Variants in MYT1L observed in about 807,000 individuals in gnomAD.
MYT1L encodes myelin transcription factor 1-like protein.
MYT1L carries 12 observed loss-of-function variants against 126.7 expected under a neutral mutation model. That is an observed-to-expected ratio of 0.09 (90% CI 0.06 to 0.15). The LOEUF is 0.15. Among genes scored for constraint, MYT1L ranks in the 10% least tolerant of loss-of-function variants. The probability of loss-of-function intolerance (pLI) is 1.00; values close to 1 mark genes in which losing one functional copy is unlikely to be tolerated. For synonymous variants in MYT1L, 541 were observed against 604.2 expected, an observed-to-expected ratio of 0.90 and a Z score of 1.53; for missense variants, 979 against 1,585.2, an observed-to-expected ratio of 0.62 and a Z score of 6.49.
At chr2:1,866,973 GGA>G (rs556864582) in intron 18 of MYT1L, among the ~76,000 whole-genome samples, 76 of 95,544 alleles carry the variant, frequency 8.0e-4, no homozygotes, top group Middle Eastern at 5.3e-3. Flanking sequence ...GAGAGAGGGA[GGA>G]GAGAGAGAGA....
chr2:2,198,916 T>C (rs896265502), intron 2 of MYT1L, among the ~76,000 whole-genome samples: 1 of 151,948 alleles, frequency 6.6e-6, no homozygotes, highest in Non-Finnish European at 1.5e-5. Flanking sequence ...AATTTCATGA[T>C]ACTGTGTATA....
At position 1,885,796 on chromosome 2, in the gene MYT1L, G is replaced by A. The variant is rs186370945; in HGVS notation, c.2711+743C>T. ...CCTCTTTCCCTGTGTGCACCTGCAC[G>A]TATGCTCTCCCCGGATTGCGGAGGC... On this transcript the variant is annotated intron_variant, in intron 18 of 24. Coordinates refer to ENST00000647738, the MANE Select transcript of MYT1L (RefSeq NM_001303052.2). Among the ~76,000 whole-genome samples, 20 of 152,266 alleles carry A rather than the reference G, an allele frequency of 1.3e-4. 1 individual carries two copies. The East Asian group carries it at 3.5e-3, about 26-fold the overall frequency.
intron 1 of MYT1L, among the ~76,000 whole-genome samples, chr2:2,288,419 G>T (rs2095553608): frequency 6.6e-6 from 1 of 152,220 alleles, no homozygotes; most frequent in Non-Finnish European, 1.5e-5. Flanking sequence ...GCTGAGCAAA[G>T]TGTTTCTCAT....
intron 3 of MYT1L, among the ~76,000 whole-genome samples, chr2:2,139,745 A>G (rs1363465971): frequency 2.6e-5 from 4 of 152,212 alleles, no homozygotes; most frequent in Non-Finnish European, 5.9e-5. Flanking sequence ...GTTATGGCTG[A>G]AGACTGAGTA....
At chr2:1,941,592 T>C (rs2056650766) in intron 9 of MYT1L, among the ~76,000 whole-genome samples, 1 of 152,234 alleles carries the variant, frequency 6.6e-6, no homozygotes, top group South Asian at 2.1e-4. Context: ...GGTGTTCTGA[T>C]AGGCCTTCTC....
intron 4 of MYT1L, among the ~76,000 whole-genome samples, chr2:2,023,598 G>A (rs2065243255): frequency 1.3e-5 from 2 of 151,374 alleles, no homozygotes; most frequent in Admixed American, 6.6e-5. Context: ...CAGCTCCCCT[G>A]CCCTGGCGGC....
rs1159807707 is a variant in MYT1L at position 1,789,753 on chromosome 2, C to T, written c.*2114G>A. On this transcript the variant is annotated 3_prime_UTR_variant, in exon 25 of 25. Coordinates refer to ENST00000647738, the MANE Select transcript of MYT1L (RefSeq NM_001303052.2). ...CCACACGGACGGCCTCAGGTGACTG[C>T]AAGCACCTTGCTTCAGCTCTCAAAA... 2 of 152,240 alleles carry T rather than the reference C, an allele frequency of 1.3e-5. No individual in the cohort carries two copies. The highest frequency in any genetic ancestry group is 2.9e-5 in the Non-Finnish European group (2 of 68,058). The allele number at this position is 152,240 out of a possible 1,614,324, so 9.4% of individuals were successfully genotyped here. A position where few individuals can be genotyped will look rare whatever the true frequency, so the allele number is the denominator to read the frequency against.
At chr2:2,257,329 C>T (rs558600167) in intron 2 of MYT1L, among the ~76,000 whole-genome samples, 5 of 152,258 alleles carry the variant, frequency 3.3e-5, no homozygotes, top group South Asian at 4.1e-4. Context: ...TTTTCTCTAT[C>T]GATGATGTCT....
intron 1 of MYT1L, among the ~76,000 whole-genome samples, chr2:2,293,183 G>C (rs550848400): frequency 6.6e-6 from 1 of 152,182 alleles, no homozygotes; most frequent in South Asian, 2.1e-4. Context: ...CTGGCCTCAT[G>C]GGGCCTTTAC....
chr2:1,848,003 G>A lies in MYT1L; in HGVS notation c.2774+3638C>T, dbSNP rs923317663. On this transcript the variant is annotated intron_variant, in intron 19 of 24. Coordinates refer to ENST00000647738, the MANE Select transcript of MYT1L (RefSeq NM_001303052.2). The surrounding 1 kb of genome is among the most constrained non-coding windows in gnomAD (Gnocchi z 4.8). Reference sequence around the variant, plus strand: ...ATGGGGCTGCCAGGAGGTGGGACTCGGAGTCAGACGACATGGGCTCCAGTT... The same window carrying A: ...ATGGGGCTGCCAGGAGGTGGGACTCAGAGTCAGACGACATGGGCTCCAGTT... 4.6e-5 allele frequency among the ~76,000 whole-genome samples: 7 copies of A among 152,188 alleles called. No individual in the cohort carries two copies. Among genetic ancestry groups the A allele is most frequent in the Non-Finnish European group, 7.3e-5 (5 of 68,040 alleles).
chr2:1,969,608 C>T (rs771525063), intron 8 of MYT1L, among the ~76,000 whole-genome samples: 3 of 152,192 alleles, frequency 2.0e-5, no homozygotes, highest in South Asian at 2.1e-4. Context: ...CCACTCTGGA[C>T]GGGGCTTAAA....
chr2:2,288,872 G>A (rs2095559178), intron 1 of MYT1L, among the ~76,000 whole-genome samples: 1 of 152,160 alleles, frequency 6.6e-6, no homozygotes, highest in African/African-American at 2.4e-5. Context: ...TCAGTCTCAG[G>A]AATGCCAGGC....
chr2:2,001,891 T>A (rs2062429457), intron 4 of MYT1L, among the ~76,000 whole-genome samples: 1 of 152,144 alleles, frequency 6.6e-6, no homozygotes, highest in Admixed American at 6.5e-5. Context: ...TACCTCCAGA[T>A]CCTCTTGCTC....
At chr2:2,176,261 G>A (rs1051379111) in intron 2 of MYT1L, among the ~76,000 whole-genome samples, 6 of 152,034 alleles carry the variant, frequency 3.9e-5, no homozygotes, top group African/African-American at 9.7e-5. Flanking sequence ...GAAAAAGTAG[G>A]AAATCAGGAA....
intron 12 of MYT1L, among the ~76,000 whole-genome samples, chr2:1,911,670 C>T (rs1000882873): frequency 5.3e-5 from 8 of 152,328 alleles, no homozygotes; most frequent in Non-Finnish European, 8.8e-5. Context: ...ACTGTACAGG[C>T]GTGCTGCATT....
chr2:2,027,568 T>G (rs2065779021), intron 4 of MYT1L, among the ~76,000 whole-genome samples: 1 of 152,216 alleles, frequency 6.6e-6, no homozygotes, highest in African/African-American at 2.4e-5. Context: ...AAATATGAAT[T>G]GATTATTCTA....
intron 2 of MYT1L, among the ~76,000 whole-genome samples, chr2:2,255,338 G>C (rs923483608): frequency 2.0e-5 from 3 of 152,058 alleles, no homozygotes; most frequent in Non-Finnish European, 4.4e-5. Context: ...GAGGATATTG[G>C]GGGGGTTGTT....
intron 22 of MYT1L, chr2:1,802,068 G>A: frequency 3.0e-6 from 1 of 328,442 alleles, no homozygotes. Flanking sequence ...GAGCTCCCAG[G>A]GACAGTTAAC....
intron 2 of MYT1L, among the ~76,000 whole-genome samples, chr2:2,207,441 C>G (rs945519013): frequency 6.6e-6 from 1 of 152,156 alleles, no homozygotes; most frequent in Non-Finnish European, 1.5e-5. Flanking sequence ...GAACCCAGGC[C>G]AGCCTCACCC....
Sources: gnomAD v4.1 joint callset for allele counts (sites outside exome capture counted in the v4.1 genomes callset) on GRCh38, gnomAD v4.1.1 for gene constraint, Gnocchi (gnomAD v3.1) non-coding constraint, MANE v1.5 for transcripts, NCBI Gene and HGNC (gene_info 2026-07-23, HGNC 2026-07-21) for gene names.